CNTNAP2: variants seen among roughly 807,000 people sequenced by gnomAD.
CNTNAP2 encodes contactin-associated protein-like 2.
Under a neutral mutation model 155.2 loss-of-function variants are expected in CNTNAP2, and 98 were observed. That is an observed-to-expected ratio of 0.63 (90% CI 0.54 to 0.75). The LOEUF (loss-of-function observed/expected upper bound fraction) is 0.75. Ranked by LOEUF, CNTNAP2 falls within the 30% of genes least tolerant of loss-of-function variation. The pLI is 0.00. For missense variants in CNTNAP2, 1,727 were observed against 1,688.1 expected (o/e 1.02, Z -0.40); for synonymous variants, 651 against 631.2 (o/e 1.03, Z -0.47).
intron 1 of CNTNAP2, among the ~76,000 whole-genome samples, chr7:146,202,185 C>T (rs756898488): frequency 1.3e-5 from 2 of 152,046 alleles, no homozygotes; most frequent in Non-Finnish European, 2.9e-5. Context: ...GTTGAGTTGC[C>T]ATAGGCAAAT....
At chr7:147,712,637 C>G (rs530075275) in intron 13 of CNTNAP2, among the ~76,000 whole-genome samples, 4 of 152,072 alleles carry the variant, frequency 2.6e-5, no homozygotes, top group African/African-American at 7.2e-5. Flanking sequence ...AGCAAACTAT[C>G]GCAAGGACAA....
At chr7:147,853,042 G>T (rs1798976999) in intron 13 of CNTNAP2, among the ~76,000 whole-genome samples, 1 of 151,960 alleles carries the variant, frequency 6.6e-6, no homozygotes, top group South Asian at 2.2e-4. Flanking sequence ...GAAAGGGCTT[G>T]TCAATAAAGT....
intron 16 of CNTNAP2, among the ~76,000 whole-genome samples, chr7:148,119,492 C>A (rs954913506): frequency 6.6e-6 from 1 of 152,104 alleles, no homozygotes; most frequent in African/African-American, 2.4e-5. Context: ...GCCTAGATTG[C>A]GCCACTGCAC....
chr7:146,130,160 G>T (rs1049296655), intron 1 of CNTNAP2, among the ~76,000 whole-genome samples: 3 of 152,296 alleles, frequency 2.0e-5, no homozygotes, highest in African/African-American at 7.2e-5. Context: ...ATTTTCACTG[G>T]TTAGAAATAT....
At chr7:148,320,387 T>TC (rs894022346) in intron 21 of CNTNAP2, among the ~76,000 whole-genome samples, 10 of 137,152 alleles carry the variant, frequency 7.3e-5, no homozygotes, top group African/African-American at 2.7e-4. Context: ...TTTTTTTTTT[T>TC]TTTTTTTTTT....
chr7:146,922,000 T>C lies in CNTNAP2; in HGVS notation c.402+82096T>C, dbSNP rs560215130. On this transcript the variant is annotated intron_variant, in intron 3 of 23. Transcript: ENST00000361727. ...CGTTGAATATAAATCCTTCCTTCCA[T>C]GGATGCCACTGCCACCCATAATAGA... 1.1e-4 allele frequency among the ~76,000 whole-genome samples: 16 copies of C among 152,250 alleles called. No individual in the cohort carries two copies. The East Asian group carries it at 3.1e-3, about 29-fold the overall frequency.
chr7:148,034,705 G>T (rs181858913), intron 15 of CNTNAP2, among the ~76,000 whole-genome samples: 10 of 152,318 alleles, frequency 6.6e-5, no homozygotes, highest in Admixed American at 3.3e-4. Flanking sequence ...CTGTATAATG[G>T]GTAGAAGCCT....
chr7:146,422,609 A>G (rs984548994), intron 1 of CNTNAP2, among the ~76,000 whole-genome samples: 6 of 152,014 alleles, frequency 3.9e-5, no homozygotes, highest in Admixed American at 1.3e-4. Flanking sequence ...CAAAATATCC[A>G]CTAATACCAA....
rs1218196222 is a variant in CNTNAP2, at chr7:146,769,675, C to T, written c.98-4596C>T. Among the ~76,000 whole-genome samples, 4 of 152,104 alleles carry T rather than the reference C, an allele frequency of 2.6e-5. No homozygotes were observed. The East Asian group carries it at 5.8e-4, about 22-fold the overall frequency. The stretch of plus-strand genomic sequence containing the variant: ...TCTGACACTCTAATCATTAATCATT[C>T]TGATTCCTAAGTTCCTTCATATTTG... On this transcript the variant is annotated intron_variant, in intron 1 of 23. Coordinates refer to ENST00000361727, the MANE Select transcript of CNTNAP2 (RefSeq NM_014141.6).
intron 13 of CNTNAP2, among the ~76,000 whole-genome samples, chr7:147,823,355 C>G (rs956898950): frequency 6.6e-6 from 1 of 152,164 alleles, no homozygotes; most frequent in African/African-American, 2.4e-5. Flanking sequence ...TTTCTTGTCA[C>G]TCCCTAGGGC....
chr7:146,216,748 A>G (rs1799120614), intron 1 of CNTNAP2, among the ~76,000 whole-genome samples: 1 of 152,238 alleles, frequency 6.6e-6, no homozygotes, highest in South Asian at 2.1e-4. Flanking sequence ...TGAAATCACA[A>G]GCTAACCAGT....
At chr7:146,494,985 C>A (rs538949753) in intron 1 of CNTNAP2, among the ~76,000 whole-genome samples, 2 of 152,290 alleles carry the variant, frequency 1.3e-5, no homozygotes, top group South Asian at 2.1e-4. Context: ...TGATTCCCAA[C>A]TACCAGAGGA....
At chr7:147,104,128 G>GTTAA in intron 4 of CNTNAP2, among the ~76,000 whole-genome samples, 1 of 152,144 alleles carries the variant, frequency 6.6e-6, no homozygotes, top group Non-Finnish European at 1.5e-5. Flanking sequence ...TATATAAAAT[G>GTTAA]TTAATATTAG....
intron 13 of CNTNAP2, among the ~76,000 whole-genome samples, chr7:147,771,479 T>C (rs1467905230): frequency 6.6e-6 from 1 of 152,210 alleles, no homozygotes; most frequent in African/African-American, 2.4e-5. Flanking sequence ...GTGGGTGACA[T>C]TTCTAAGGCA....
At chr7:146,780,843 C>G (rs1192632402) in intron 2 of CNTNAP2, among the ~76,000 whole-genome samples, 2 of 151,836 alleles carry the variant, frequency 1.3e-5, no homozygotes, top group Non-Finnish European at 2.9e-5. Context: ...GACACAGGGA[C>G]GGGAACATAA....
At chr7:147,382,465 A>G (rs926603298) in intron 9 of CNTNAP2, among the ~76,000 whole-genome samples, 1 of 152,224 alleles carries the variant, frequency 6.6e-6, no homozygotes, top group Non-Finnish European at 1.5e-5. Context: ...GCACAAACTT[A>G]TTGATAAACT....
At chr7:148,093,996 G>A (rs1345760078) in intron 15 of CNTNAP2, among the ~76,000 whole-genome samples, 2 of 152,132 alleles carry the variant, frequency 1.3e-5, no homozygotes, top group Non-Finnish European at 2.9e-5. Flanking sequence ...GAGCTCAAGC[G>A]ATCTGCCTGC....
chr7:146,582,802 G>T (rs562711839), intron 1 of CNTNAP2, among the ~76,000 whole-genome samples: 9 of 151,538 alleles, frequency 5.9e-5, no homozygotes, highest in East Asian at 5.8e-4. Context: ...AAAAGGAAAA[G>T]AAATTTTTTT....
At chr7:147,127,374 GCCT>G (rs1289967101) in intron 6 of CNTNAP2, among the ~76,000 whole-genome samples, 1 of 151,000 alleles carries the variant, frequency 6.6e-6, no homozygotes, top group East Asian at 1.9e-4. Context: ...TGTAAATGAG[GCCT>G]TTGTTTTTTT....
Sources: allele counts gnomAD v4.1 joint callset (sites outside exome capture counted in the v4.1 genomes callset), GRCh38; gene constraint gnomAD v4.1.1; transcripts MANE v1.5; gene names NCBI Gene and HGNC (gene_info 2026-07-23, HGNC 2026-07-21).